PRKD3: variants seen among roughly 807,000 people sequenced by gnomAD.
The protein encoded by PRKD3 is serine/threonine-protein kinase D3.
Under a neutral mutation model 99.2 loss-of-function variants are expected in PRKD3, and 47 were observed. The observed-to-expected ratio is 0.47, with a 90% CI of 0.38 to 0.60. PRKD3 has a LOEUF of 0.60. Among genes scored for constraint, PRKD3 ranks in the 20% least tolerant of loss-of-function variants. The probability of loss-of-function intolerance (pLI) is 0.00; values close to 1 mark genes in which losing one functional copy is unlikely to be tolerated. For missense variants in PRKD3, 1,019 were observed against 1,088.4 expected (o/e 0.94, Z 0.90); for synonymous variants, 392 against 355.4 (o/e 1.10, Z -1.16).
At chr2:37,299,289 C>A (rs1405956852) in intron 2 of PRKD3, among the ~76,000 whole-genome samples, 9 of 152,136 alleles carry the variant, frequency 5.9e-5, no homozygotes, top group Admixed American at 5.9e-4. Flanking sequence ...TGGGGAAACA[C>A]TCCAGGACAT....
rs1309470716 is a variant in PRKD3, at chr2:37,259,590, A to C, written c.2138T>G (p.Phe713Cys). ...ENVLLASAEP[F>C]PQVKLCDFGF... ...TTCTGGAGAATATCTCACCTGAGGA[A>C]ATGGCTCTGCTGATGCAAGCAGCAC... is the stretch of plus-strand genomic sequence containing the variant. Residue 713 changes from phenylalanine to cysteine, a missense_variant, in exon 16 of 19, where the codon TTT becomes TGT. Around this residue, in one of 3 missense-constraint regions of PRKD3, gnomAD observed 184 missense variants for 275.1 expected, o/e 0.67. Coordinates refer to ENST00000234179, the MANE Select transcript of PRKD3 (RefSeq NM_005813.6). The C allele has an allele frequency of 1.2e-6, 2 of 1,609,124 alleles. No homozygotes were observed. Among genetic ancestry groups the C allele is most frequent in the Non-Finnish European group, 1.7e-6 (2 of 1,175,960 alleles).
chr2:37,292,549 T>C (rs974762454), intron 3 of PRKD3, among the ~76,000 whole-genome samples: 4 of 152,096 alleles, frequency 2.6e-5, no homozygotes, highest in African/African-American at 9.7e-5. Context: ...GGTTTCATCT[T>C]GTTAGCCAGG....
At chr2:37,298,555 G>A (rs1243500133) in intron 2 of PRKD3, among the ~76,000 whole-genome samples, 2 of 151,714 alleles carry the variant, frequency 1.3e-5, no homozygotes, top group African/African-American at 2.4e-5. Context: ...ATGAGAATAC[G>A]TTAATATATA....
At chr2:37,305,236 G>C (rs1671106237) in intron 2 of PRKD3, among the ~76,000 whole-genome samples, 1 of 152,142 alleles carries the variant, frequency 6.6e-6, no homozygotes. Context: ...TGCAGTTAAA[G>C]AACAGACCAA....
intron 6 of PRKD3, among the ~76,000 whole-genome samples, chr2:37,282,896 A>G (rs1414646477): frequency 6.6e-6 from 1 of 152,078 alleles, no homozygotes; most frequent in African/African-American, 2.4e-5. Context: ...CACATCTCCC[A>G]TGAGAGTTTC....
intron 14 of PRKD3, among the ~76,000 whole-genome samples, chr2:37,262,282 T>C (rs1285780678): frequency 2.6e-5 from 4 of 152,184 alleles, no homozygotes; most frequent in Admixed American, 2.6e-4. Flanking sequence ...TTCTCTCTCT[T>C]TGGGACTACT....
chr2:37,301,853 G>C (rs1235878098), intron 2 of PRKD3, among the ~76,000 whole-genome samples: 1 of 152,194 alleles, frequency 6.6e-6, no homozygotes, highest in Non-Finnish European at 1.5e-5. Flanking sequence ...CTAGGGCAAT[G>C]ATCCTCAGCT....
intron 11 of PRKD3, 56 bp downstream of exon 11, chr2:37,274,365 A>C: frequency 1.3e-6 from 2 of 1,588,058 alleles, no homozygotes; most frequent in Non-Finnish European, 1.7e-6. Context: ...AACCATACCC[A>C]CAAAATGCTT....
chr2:37,319,534 T>C lies in PRKD3; in HGVS notation c.-655-2355A>G, dbSNP rs571261786. 7.2e-5 allele frequency among the ~76,000 whole-genome samples: 11 copies of C among 152,058 alleles called. No homozygotes were observed. In the South Asian group the frequency reaches 2.3e-3, roughly 31 times the overall value. On this transcript the variant is annotated intron_variant, in intron 1 of 18. Coordinates refer to ENST00000234179, the MANE Select transcript of PRKD3 (RefSeq NM_005813.6). ...TTCCCCAAAATGTGCAATACAGAAA[T>C]GGGGAAATGCTTACTTGTAAGCAGT...
intron 2 of PRKD3, among the ~76,000 whole-genome samples, chr2:37,306,169 T>C (rs905305158): frequency 2.0e-5 from 3 of 152,104 alleles, no homozygotes; most frequent in African/African-American, 7.2e-5. Flanking sequence ...TGGGCGAGGC[T>C]TCTGGCCTAC....
chr2:37,274,402 C>G lies in PRKD3; in HGVS notation c.1651+19G>C. On this transcript the variant is annotated intron_variant, in intron 11 of 18. Coordinates refer to ENST00000234179, the MANE Select transcript of PRKD3 (RefSeq NM_005813.6). ...AGAATTAAAGAGGAGAAAAAGCCAT[C>G]AAGAAGTTTATTGCTTACTGTGATC... 6.2e-7 allele frequency: 1 copy of G among 1,612,040 alleles called. No homozygotes were observed. The highest frequency in any genetic ancestry group is 2.2e-5 in the East Asian group (1 of 44,832).
chr2:37,320,755 T>C (rs1213305504), intron 1 of PRKD3, among the ~76,000 whole-genome samples: 1 of 152,190 alleles, frequency 6.6e-6, no homozygotes, highest in Non-Finnish European at 1.5e-5. Flanking sequence ...TCTACTTTGA[T>C]GAATGTCTTC....
At chr2:37,275,386 G>A (rs1468383471) in intron 10 of PRKD3, among the ~76,000 whole-genome samples, 1 of 152,150 alleles carries the variant, frequency 6.6e-6, no homozygotes, top group Non-Finnish European at 1.5e-5. Context: ...CAAGCAATTG[G>A]GAATTGGCAC....
At chr2:37,266,641 C>T (rs186725475) in intron 14 of PRKD3, among the ~76,000 whole-genome samples, 44 of 152,234 alleles carry the variant, frequency 2.9e-4, no homozygotes, top group Non-Finnish European at 4.9e-4. Flanking sequence ...CATGCGCCAC[C>T]GTGCCCGGCC....
chr2:37,319,257 C>T (rs542583172), intron 1 of PRKD3, among the ~76,000 whole-genome samples: 104 of 152,270 alleles, frequency 6.8e-4, no homozygotes, highest in Non-Finnish European at 1.3e-3. Context: ...GCTACCTTTG[C>T]AAGAATGTTA....
At chr2:37,315,879 C>A (rs1381964292) in intron 2 of PRKD3, among the ~76,000 whole-genome samples, 1 of 152,180 alleles carries the variant, frequency 6.6e-6, no homozygotes, top group Admixed American at 6.5e-5. Context: ...TGCCTGCCAC[C>A]ATGTTTGGCT....
chr2:37,251,644 G>A lies in PRKD3; in HGVS notation c.*1533C>T, dbSNP rs1402008154. Reference sequence around the variant, plus strand: ...TTTTTTTTTTGCTACCTCAAATTCGGTGGGCAACGATAGTTAACACTTTCC... The same window carrying A: ...TTTTTTTTTTGCTACCTCAAATTCGATGGGCAACGATAGTTAACACTTTCC... On this transcript the variant is annotated 3_prime_UTR_variant, in exon 19 of 19. Transcript: ENST00000234179. The A allele has an allele frequency of 6.6e-6, 1 of 151,684 alleles. No homozygotes were observed. Among genetic ancestry groups the A allele is most frequent in the African/African-American group, 2.4e-5 (1 of 41,250 alleles). 9.4% of individuals were successfully genotyped at this position (151,684 alleles called of 1,614,324 possible).
Position 37,302,284 on chromosome 2 carries a change from C to T in PRKD3, c.289-9013G>A, listed in dbSNP as rs1009238180. Reference sequence around the variant, plus strand: ...TGGATTTGCTTACTACAAACTGTGCCGATGACCCCTCTTGACTGTGCAAAA... The same window carrying T: ...TGGATTTGCTTACTACAAACTGTGCTGATGACCCCTCTTGACTGTGCAAAA... On this transcript the variant is annotated intron_variant, in intron 2 of 18. Transcript: ENST00000234179. 1.1e-4 allele frequency among the ~76,000 whole-genome samples: 17 copies of T among 152,152 alleles called. No individual in the cohort carries two copies. The East Asian group carries it at 1.5e-3, about 14-fold the overall frequency.
rs1668256358 is a variant in PRKD3, at chr2:37,259,662, T to C, written c.2066A>G (p.Asn689Ser). The C allele has an allele frequency of 3.1e-6, 5 of 1,612,052 alleles. No individual in the cohort carries two copies. Among genetic ancestry groups the C allele is most frequent in the African/African-American group, 1.3e-5 (1 of 74,904 alleles). ...MVTQILVALR[N>S]LHFKNIVHCD... ...GTGCACAATATTCTTAAAATGCAGATTCCTCAAAGCAACAAGTATCTGTTA... is the reference window on the plus strand; with the variant it reads ...GTGCACAATATTCTTAAAATGCAGACTCCTCAAAGCAACAAGTATCTGTTA... The change falls in exon 16 of 19, where the codon AAT becomes AGT. Residue 689 changes from asparagine to serine, a missense_variant. Around this residue, in one of 3 missense-constraint regions of PRKD3, gnomAD observed 184 missense variants for 275.1 expected, o/e 0.67. Coordinates refer to ENST00000234179, the MANE Select transcript of PRKD3 (RefSeq NM_005813.6).
Sources: gnomAD v4.1 joint callset for allele counts (sites outside exome capture counted in the v4.1 genomes callset) on GRCh38, gnomAD v4.1.1 for gene constraint, gnomAD v4.1.1 regional missense constraint, MANE v1.5 for transcripts, NCBI Gene and HGNC (gene_info 2026-07-23, HGNC 2026-07-21) for gene names.